The following NUFIP1 variants were observed in gnomAD, a reference collection of about 807,000 sequenced individuals.
The protein encoded by NUFIP1 is nuclear FMR1 interacting protein 1.
In NUFIP1, 38 loss-of-function variants were observed where a neutral mutation model predicts 56.2. That is an observed-to-expected ratio of 0.68 (90% CI 0.52 to 0.89). The LOEUF (loss-of-function observed/expected upper bound fraction) is 0.89. Ranked by LOEUF, NUFIP1 falls within the 40% of genes least tolerant of loss-of-function variation. The pLI is 0.00. For missense variants in NUFIP1, 567 were observed against 605.8 expected (o/e 0.94, Z 0.67); for synonymous variants, 215 against 212.4 (o/e 1.01, Z -0.10).
intron 1 of NUFIP1, among the ~76,000 whole-genome samples, chr13:44,984,663 A>T (rs989679020): frequency 3.4e-5 from 5 of 146,796 alleles, no homozygotes. Flanking sequence ...AAAATAAAAT[A>T]AAAATAAAAC....
chr13:44,947,767 T>C (rs1443809345), intron 8 of NUFIP1, among the ~76,000 whole-genome samples: 5 of 152,160 alleles, frequency 3.3e-5, no homozygotes, highest in Admixed American at 6.5e-5. Context: ...CTGTTATGAA[T>C]ACAACTGATA....
intron 5 of NUFIP1, among the ~76,000 whole-genome samples, chr13:44,974,401 A>G (rs973598653): frequency 1.3e-5 from 2 of 152,222 alleles, no homozygotes; most frequent in African/African-American, 4.8e-5. Context: ...CAAGGTAAAG[A>G]GGATGGGAAG....
At chr13:44,942,656 T>C (rs917832361) in intron 9 of NUFIP1, among the ~76,000 whole-genome samples, 1 of 152,170 alleles carries the variant, frequency 6.6e-6, no homozygotes, top group Admixed American at 6.6e-5. Context: ...ATGAAAATCT[T>C]TGATTTTCAA....
chr13:44,954,900 G>A (rs755781910), intron 7 of NUFIP1, among the ~76,000 whole-genome samples: 3 of 152,202 alleles, frequency 2.0e-5, no homozygotes, highest in Admixed American at 6.5e-5. Flanking sequence ...TTAGACTTAC[G>A]TCCCAGTGTT....
chr13:44,949,901 T>C (rs183119717), intron 7 of NUFIP1, 63 bp from the exon 8 acceptor site: 78 of 970,330 alleles, frequency 8.0e-5, no homozygotes, highest in African/African-American at 5.1e-4. Context: ...CCATCCCCCA[T>C]TCCCTCATTT....
chr13:44,947,794 T>C (rs892934503), intron 8 of NUFIP1, among the ~76,000 whole-genome samples: 1 of 152,214 alleles, frequency 6.6e-6, no homozygotes, highest in African/African-American at 2.4e-5. Context: ...AAATGTAATA[T>C]GTGTTTAAAG....
At chr13:44,987,136 C>T (rs1306441472) in intron 1 of NUFIP1, among the ~76,000 whole-genome samples, 1 of 152,090 alleles carries the variant, frequency 6.6e-6, no homozygotes. Flanking sequence ...CAGCACTTTT[C>T]GGAGGCCAAG....
At chr13:44,974,503 T>C (rs1445436502) in intron 5 of NUFIP1, among the ~76,000 whole-genome samples, 1 of 152,152 alleles carries the variant, frequency 6.6e-6, no homozygotes, top group African/African-American at 2.4e-5. Flanking sequence ...GATGTGGTCA[T>C]GAAAGTAAGT....
chr13:44,960,581 T>A (rs1447600572), intron 6 of NUFIP1, among the ~76,000 whole-genome samples: 1 of 152,214 alleles, frequency 6.6e-6, no homozygotes, highest in Non-Finnish European at 1.5e-5. Flanking sequence ...CTACTCATTT[T>A]TAAGGAGTTA....
Position 44,979,492 on chromosome 13 carries a change from C to T in NUFIP1, c.658-226G>A, listed in dbSNP as rs59244231. Among the ~76,000 whole-genome samples, 605 of 152,222 alleles carry T rather than the reference C, an allele frequency of 4.0e-3. 2 individuals carry two copies. Among genetic ancestry groups the T allele is most frequent in the African/African-American group, 0.011 (468 of 41,518 alleles). ...AAAAGGGGTAACATAATTTTGATTACAAAGTAGATATGCCACCCATTCTCT... is the reference window on the plus strand; with the variant it reads ...AAAAGGGGTAACATAATTTTGATTATAAAGTAGATATGCCACCCATTCTCT... On this transcript the variant is annotated intron_variant, in intron 4 of 9. Transcript: ENST00000379161.
intron 5 of NUFIP1, among the ~76,000 whole-genome samples, chr13:44,978,063 TCTAA>T (rs1872050677): frequency 1.3e-5 from 2 of 152,164 alleles, no homozygotes; most frequent in Non-Finnish European, 2.9e-5. Context: ...ATTGAATTCC[TCTAA>T]CTGTCCCTTC....
intron 6 of NUFIP1, among the ~76,000 whole-genome samples, chr13:44,965,328 G>A (rs369386220): frequency 3.9e-4 from 60 of 152,256 alleles, no homozygotes; most frequent in African/African-American, 9.9e-4. Context: ...GCCCAGTCTC[G>A]GGTATGTCTT....
chr13:44,968,399 C>A, intron 5 of NUFIP1, among the ~76,000 whole-genome samples: 4 of 101,756 alleles, frequency 3.9e-5, no homozygotes, highest in South Asian at 3.4e-4. Context: ...TAAAGGAACA[C>A]TGAGAAGAAA....
At chr13:44,949,241 G>T (rs529931619) in intron 8 of NUFIP1, among the ~76,000 whole-genome samples, 1 of 112,490 alleles carries the variant, frequency 8.9e-6, no homozygotes, top group East Asian at 2.8e-4. Context: ...TCGCTCTGTC[G>T]CCCAGGCTGG....
Position 44,989,467 on chromosome 13 carries a change from AC to A in NUFIP1, c.-32del. On this transcript the variant is annotated 5_prime_UTR_variant, in exon 1 of 10. Coordinates refer to ENST00000379161, the MANE Select transcript of NUFIP1 (RefSeq NM_012345.3). ...TGGCGGGTCCGGAGTCTAGCACGCG[AC>A]TGTGGAGCAAGCATTAGGCGTCACT... is the stretch of plus-strand genomic sequence containing the variant. The A allele has an allele frequency of 6.2e-7, 1 of 1,609,176 alleles. No homozygotes were observed. Among genetic ancestry groups the A allele is most frequent in the African/African-American group, 1.3e-5 (1 of 74,932 alleles).
At position 44,979,895 on chromosome 13, in the gene NUFIP1, T is replaced by G; in HGVS notation, c.652A>C (p.Arg218=). 1 of 1,596,556 alleles carries G rather than the reference T, an allele frequency of 6.3e-7. No homozygotes were observed. The highest frequency in any genetic ancestry group is 8.5e-7 in the Non-Finnish European group (1 of 1,174,534). ...GATAAAAAAACAGAACTTACATTTC[T>G]CCAATGGAACTGGACAATCTTCTCG... ...AHEKIVQFHW[R]NMHAPGMKKI... Residue 218 remains arginine, a synonymous_variant, in exon 4 of 10, where the codon AGA becomes CGA. Transcript: ENST00000379161.
chr13:44,970,818 G>A (rs561154555), intron 5 of NUFIP1, among the ~76,000 whole-genome samples: 1 of 152,214 alleles, frequency 6.6e-6, no homozygotes. Context: ...GGGATTACAG[G>A]TGCGTGCCAC....
At chr13:44,955,825 A>G (rs1871214943) in intron 7 of NUFIP1, among the ~76,000 whole-genome samples, 1 of 22,932 alleles carries the variant, frequency 4.4e-5, no homozygotes, top group African/African-American at 5.7e-5. Flanking sequence ...GATGAGCTTA[A>G]AAAAAAAAAA....
chr13:44,979,992 T>C (rs1872131413), intron 3 of NUFIP1, 40 bp from the exon 4 acceptor site: 3 of 1,458,378 alleles, frequency 2.1e-6, no homozygotes, highest in South Asian at 2.5e-5. Context: ...ATTTAACAAA[T>C]GTTTTCCATG....
Sources: gnomAD v4.1 joint callset for allele counts (sites outside exome capture counted in the v4.1 genomes callset) on GRCh38, gnomAD v4.1.1 for gene constraint, MANE v1.5 for transcripts, NCBI Gene and HGNC (gene_info 2026-07-23, HGNC 2026-07-21) for gene names.